The following POMT2 variants were observed in gnomAD, a reference collection of about 807,000 sequenced individuals.
The protein encoded by POMT2 is protein O-mannosyl-transferase 2.
POMT2 carries 75 observed loss-of-function variants against 100.0 expected under a neutral mutation model. The observed-to-expected ratio is 0.75, with a 90% CI of 0.62 to 0.91. The LOEUF (loss-of-function observed/expected upper bound fraction) is 0.91. POMT2 is among the 40% of genes least tolerant of loss of function. The pLI, the probability that POMT2 is intolerant of heterozygous loss-of-function variation, is 0.00. For missense variants in POMT2, 940 were observed against 955.1 expected (o/e 0.98, Z 0.21); for synonymous variants, 378 against 374.1 (o/e 1.01, Z -0.12).
At chr14:77,300,736 CT>C (rs1267872660) in intron 6 of POMT2, 1 of 306,618 alleles carries the variant, frequency 3.3e-6, no homozygotes, top group African/African-American at 2.2e-5. Context: ...AAAAGAATCA[CT>C]CGTACCCAGG....
At chr14:77,278,601 G>A in intron 19 of POMT2, 93 bp from the exon 20 acceptor site, 1 of 1,474,602 alleles carries the variant, frequency 6.8e-7, no homozygotes, top group Non-Finnish European at 9.3e-7. Context: ...GGAGCAGAGA[G>A]TCACTCCCAG....
At chr14:77,295,352 G>C (rs1224438884) in intron 9 of POMT2, among the ~76,000 whole-genome samples, 1 of 152,228 alleles carries the variant, frequency 6.6e-6, no homozygotes, top group Admixed American at 6.5e-5. Context: ...GAGGATACAG[G>C]CTGGGCGCGG....
intron 1 of POMT2, among the ~76,000 whole-genome samples, chr14:77,316,624 G>A (rs575071511): frequency 1.3e-5 from 2 of 150,852 alleles, no homozygotes; most frequent in East Asian, 1.9e-4. Flanking sequence ...AGGCATCTTG[G>A]TTTTACGTGA....
chr14:77,278,213 C>T, intron 20 of POMT2, 181 bp downstream of exon 20: 1 of 630,374 alleles, frequency 1.6e-6, no homozygotes, highest in Non-Finnish European at 2.9e-6. Context: ...TACCTGGCTG[C>T]ACATTAGGAT....
intron 15 of POMT2, among the ~76,000 whole-genome samples, chr14:77,282,248 A>G (rs1211217604): frequency 6.6e-6 from 1 of 152,220 alleles, no homozygotes; most frequent in Non-Finnish European, 1.5e-5. Flanking sequence ...TTGCTAAACT[A>G]AAAGAGGAAA....
At chr14:77,279,009 A>G in intron 18 of POMT2, 140 bp from the exon 19 acceptor site, 1 of 1,155,072 alleles carries the variant, frequency 8.7e-7, no homozygotes, top group Non-Finnish European at 1.3e-6. Flanking sequence ...ACCACGCTAC[A>G]GAAACTGGAG....
At chr14:77,308,701 G>A in intron 2 of POMT2, 1 of 425,640 alleles carries the variant, frequency 2.3e-6, no homozygotes, top group Non-Finnish European at 4.6e-6. Context: ...GCAATGATGT[G>A]GGGAAGAAAG....
intron 1 of POMT2, among the ~76,000 whole-genome samples, chr14:77,316,615 G>C (rs1467888576): frequency 6.6e-6 from 1 of 150,918 alleles, no homozygotes; most frequent in African/African-American, 2.4e-5. Flanking sequence ...TGGCCCTAGA[G>C]GCATCTTGGT....
At chr14:77,306,769 T>A in intron 2 of POMT2, 2 of 342,372 alleles carry the variant, frequency 5.8e-6, no homozygotes, top group South Asian at 4.8e-5. Flanking sequence ...TTCCTTCAGA[T>A]GGTATAAAAT....
chr14:77,284,896 G>C, intron 14 of POMT2, 54 bp downstream of exon 14: 1 of 1,448,268 alleles, frequency 6.9e-7, no homozygotes, highest in East Asian at 2.3e-5. Flanking sequence ...CTAAGATAAG[G>C]GTTTCTTATA....
chr14:77,287,039 T>A, intron 11 of POMT2: 1 of 933,812 alleles, frequency 1.1e-6, no homozygotes, highest in Non-Finnish European at 1.5e-6. Context: ...AGACAGATGG[T>A]AGGAGCACTG....
At position 77,308,361 on chromosome 14, in the gene POMT2, T is replaced by TTG. The variant is rs1555355018; in HGVS notation, c.334-1921_334-1920insCA. On this transcript the variant is annotated intron_variant, in intron 2 of 20. Coordinates refer to ENST00000261534, the MANE Select transcript of POMT2 (RefSeq NM_013382.7). ...CCAATTGACAAAGTTTTTTTGTTTT[T>TTG]TTTTTTTTTTTGAGATGAAGTGTTG... Among the ~76,000 whole-genome samples the TTG allele has an allele frequency of 1.1e-4, 16 of 149,556 alleles. 1 individual carries two copies. The East Asian group carries it at 2.9e-3, about 27-fold the overall frequency.
intron 2 of POMT2, 164 bp from the exon 3 acceptor site, chr14:77,306,605 A>G (rs1891239012): frequency 1.4e-6 from 1 of 714,936 alleles, no homozygotes; most frequent in Non-Finnish European, 2.3e-6. Context: ...GCCACAGAGC[A>G]AAGAATCTTT....
At chr14:77,308,876 A>G (rs1891335537) in intron 2 of POMT2, 1 of 378,446 alleles carries the variant, frequency 2.6e-6, no homozygotes, top group East Asian at 7.9e-5. Flanking sequence ...ATATATGTAC[A>G]AGGATGTTCA....
At chr14:77,316,587 A>AC (rs1328676180) in intron 1 of POMT2, among the ~76,000 whole-genome samples, 1 of 151,800 alleles carries the variant, frequency 6.6e-6, no homozygotes, top group East Asian at 1.9e-4. Context: ...AAAAAAAAAA[A>AC]AAAGAGTATA....
At position 77,277,126 on chromosome 14, in the gene POMT2, G is replaced by A. The variant is rs1052758839; in HGVS notation, c.*250C>T. ...CCCTCTGGCACCCATCCTCCCCTGC[G>A]CTGTGCACGAGGGAGCAGCCCAAGA... On this transcript the variant is annotated 3_prime_UTR_variant, in exon 21 of 21. Transcript: ENST00000261534. The A allele has an allele frequency of 3.7e-6, 2 of 540,252 alleles. No homozygotes were observed. Among genetic ancestry groups the A allele is most frequent in the East Asian group, 3.3e-5 (1 of 30,580 alleles). 33.5% of individuals were successfully genotyped at this position (540,252 alleles called of 1,614,324 possible).
In POMT2 at chr14:77,299,491, G is replaced by A; in HGVS notation, c.887C>T (p.Ala296Val). 1 of 1,614,114 alleles carries A rather than the reference G, an allele frequency of 6.2e-7. No individual in the cohort carries two copies. The highest frequency in any genetic ancestry group is 8.5e-7 in the Non-Finnish European group (1 of 1,179,980). Reference sequence around the variant, plus strand: ...CACCATGAAGTGAACAGCAAAGGTGGCTGTATAGAGAGCCAGGGGCAGCAC... The same window carrying A: ...CACCATGAAGTGAACAGCAAAGGTGACTGTATAGAGAGCCAGGGGCAGCAC... ...LIVLPLALYTATFAVHFMVLS... is the reference protein window; with the variant it reads ...LIVLPLALYTVTFAVHFMVLS... Residue 296 changes from alanine to valine, a missense_variant, in exon 7 of 21, where the codon GCC (alanine) becomes GTC (valine). Ala to Val is a moderately conservative substitution (Grantham distance 64). Coordinates refer to ENST00000261534, the MANE Select transcript of POMT2 (RefSeq NM_013382.7).
chr14:77,316,183 A>G (rs568299960), intron 1 of POMT2, among the ~76,000 whole-genome samples: 2 of 152,342 alleles, frequency 1.3e-5, no homozygotes, highest in African/African-American at 4.8e-5. Context: ...TGCCAGACCC[A>G]TAAAGGCCTC....
In POMT2 at chr14:77,286,992, C is replaced by A. The variant is rs1890448572; in HGVS notation, c.1254-170G>T. On this transcript the variant is annotated intron_variant, in intron 11 of 20. Coordinates refer to ENST00000261534, the MANE Select transcript of POMT2 (RefSeq NM_013382.7). ...TTTCCTATTTACTCACAAGAAATAT[C>A]CTGAGAACTGGAGAAGAGATGAGCC... is the stretch of plus-strand genomic sequence containing the variant. 4 of 1,360,690 alleles carry A rather than the reference C, an allele frequency of 2.9e-6. No homozygotes were observed. In the South Asian group the frequency reaches 5.5e-5, roughly 19 times the overall value. The allele number at this position is 1,360,690 out of a possible 1,614,324, so 84.3% of individuals were successfully genotyped here. A position where few individuals can be genotyped will look rare whatever the true frequency, so the allele number is the denominator to read the frequency against.
Sources: gnomAD v4.1 joint callset for allele counts (sites outside exome capture counted in the v4.1 genomes callset) on GRCh38, gnomAD v4.1.1 for gene constraint, MANE v1.5 for transcripts, NCBI Gene and HGNC (gene_info 2026-07-23, HGNC 2026-07-21) for gene names.